The following CFAP92 variants were observed in gnomAD, a reference collection of about 807,000 sequenced individuals.
CFAP92 encodes the protein uncharacterized protein CFAP92.
CFAP92 carries 86 observed loss-of-function variants against 106.3 expected under a neutral mutation model. That is an observed-to-expected ratio of 0.81 (90% CI 0.68 to 0.97). CFAP92 has a LOEUF of 0.97. CFAP92 is among the 50% of genes least tolerant of loss of function. CFAP92 has a pLI of 0.00. For missense variants in CFAP92, 1,204 were observed against 1,283.8 expected, an observed-to-expected ratio of 0.94 and a Z score of 0.95; for synonymous variants, 477 against 506.4, an observed-to-expected ratio of 0.94 and a Z score of 0.78.
At chr3:128,932,614 A>G in intron 12 of CFAP92, 86 bp downstream of exon 12, 1 of 1,317,124 alleles carries the variant, frequency 7.6e-7, no homozygotes, top group Non-Finnish European at 1.0e-6. Flanking sequence ...TGTCCCACTC[A>G]GGAATATGCC....
the CFAP92 span, among the ~76,000 whole-genome samples, chr3:129,013,607 C>G: frequency 0.011 from 1,702 of 152,284 alleles, 30 homozygotes; most frequent in African/African-American, 0.034. Flanking sequence ...TTTCTCTTTC[C>G]CAGTAGTTCC....
At chr3:128,984,446 G>C (rs918461880) in intron 4 of CFAP92, among the ~76,000 whole-genome samples, 2 of 152,176 alleles carry the variant, frequency 1.3e-5, no homozygotes, top group African/African-American at 2.4e-5. Context: ...TTTCTCCCAT[G>C]CTGGAGGCTT....
chr3:128,944,975 G>T, intron 10 of CFAP92, 96 bp downstream of exon 10: 1 of 1,077,428 alleles, frequency 9.3e-7, no homozygotes, highest in East Asian at 2.6e-5. Flanking sequence ...TCACAGACAA[G>T]GATGCTAAAC....
chr3:128,934,473 CCT>C (rs1296763603), intron 11 of CFAP92, among the ~76,000 whole-genome samples: 2 of 152,238 alleles, frequency 1.3e-5, no homozygotes, highest in East Asian at 3.9e-4. Context: ...CCCGCCTTGG[CCT>C]CTCAAAGTGT....
chr3:129,023,598 C>T, the CFAP92 span, among the ~76,000 whole-genome samples: 1 of 152,216 alleles, frequency 6.6e-6, no homozygotes, highest in Non-Finnish European at 1.5e-5. Flanking sequence ...TCCCAAAGTG[C>T]TGGGATTACA....
intron 12 of CFAP92, among the ~76,000 whole-genome samples, chr3:128,924,677 C>A (rs1490245942): frequency 6.6e-6 from 1 of 151,900 alleles, no homozygotes; most frequent in East Asian, 1.9e-4. Flanking sequence ...GAACTCCCAA[C>A]CTCAGGTGAT....
At chr3:129,002,912 G>C (rs1404381604), upstream of CFAP92, among the ~76,000 whole-genome samples, 2 of 152,192 alleles carry the variant, frequency 1.3e-5, no homozygotes, top group Non-Finnish European at 2.9e-5. Context: ...GCGGGAACCA[G>C]ACCCGCTCTG....
chr3:128,992,700 G>A (rs1431717162), intron 2 of CFAP92, among the ~76,000 whole-genome samples: 7 of 152,022 alleles, frequency 4.6e-5, no homozygotes, highest in East Asian at 1.9e-4. Context: ...TCAGACTCCC[G>A]GAAAATGTAT....
upstream of CFAP92, chr3:128,994,250 C>G: frequency 1.6e-6 from 1 of 615,292 alleles, no homozygotes; most frequent in Non-Finnish European, 2.0e-6. Flanking sequence ...GGTTCAGAAA[C>G]CAGCTGCCTT....
the CFAP92 span, among the ~76,000 whole-genome samples, chr3:129,010,397 G>C: frequency 2.0e-5 from 3 of 152,316 alleles, no homozygotes; most frequent in East Asian, 5.8e-4. This position sits in a 1 kb window ranked among gnomAD's most constrained non-coding sequence, Gnocchi z 4.3. Context: ...TGCCCAAAAA[G>C]ACAGAAGAGA....
At chr3:128,977,714 C>T (rs1307576698) in intron 5 of CFAP92, among the ~76,000 whole-genome samples, 1 of 152,106 alleles carries the variant, frequency 6.6e-6, no homozygotes, top group Non-Finnish European at 1.5e-5. Context: ...CAAAAATTAG[C>T]TGGGTGTGGT....
At chr3:128,946,034 A>C in intron 9 of CFAP92, 59 bp from the exon 10 acceptor site, 2 of 1,253,834 alleles carry the variant, frequency 1.6e-6, no homozygotes, top group Non-Finnish European at 2.1e-6. Flanking sequence ...ACTCAGCCCC[A>C]GCATGAGGAG....
At chr3:128,988,312 G>A (rs1222761857) in intron 3 of CFAP92, among the ~76,000 whole-genome samples, 5 of 152,134 alleles carry the variant, frequency 3.3e-5, no homozygotes, top group East Asian at 3.9e-4. Context: ...AGGCCAACGC[G>A]GGAGGATGAC....
At chr3:128,914,447 CGAG>C (rs1246521358) in intron 15 of CFAP92, among the ~76,000 whole-genome samples, 1 of 152,154 alleles carries the variant, frequency 6.6e-6, no homozygotes, top group African/African-American at 2.4e-5. Flanking sequence ...CCTTAGGAGT[CGAG>C]GAGGAGAGGA....
chr3:128,942,458 C>G (rs1939734065), intron 10 of CFAP92, among the ~76,000 whole-genome samples: 1 of 152,172 alleles, frequency 6.6e-6, no homozygotes, highest in South Asian at 2.1e-4. Context: ...TGAACTCAGT[C>G]TCCTGATTCT....
intron 10 of CFAP92, among the ~76,000 whole-genome samples, chr3:128,942,191 T>C (rs1049466379): frequency 6.6e-6 from 1 of 152,188 alleles, no homozygotes; most frequent in Non-Finnish European, 1.5e-5. Flanking sequence ...ACACTCACAG[T>C]TACAGTTGTA....
chr3:128,960,674 C>G (rs1941829606), intron 9 of CFAP92, among the ~76,000 whole-genome samples: 1 of 152,264 alleles, frequency 6.6e-6, no homozygotes, highest in South Asian at 2.1e-4. Flanking sequence ...CGCAGGGACG[C>G]CTGCCTTGGT....
At chr3:128,951,477 T>C (rs1365605310) in intron 9 of CFAP92, among the ~76,000 whole-genome samples, 1 of 152,112 alleles carries the variant, frequency 6.6e-6, no homozygotes, top group Non-Finnish European at 1.5e-5. Context: ...TTCTACTAAG[T>C]ACAGCTTTAA....
At chr3:128,915,968 C>T (rs529722372) in intron 13 of CFAP92, 139 bp downstream of exon 13, 74 of 548,372 alleles carry the variant, frequency 1.3e-4, no homozygotes, top group African/African-American at 1.3e-3. Context: ...CTCTCAACAT[C>T]TGAGCCTTGT....
Sources: allele counts gnomAD v4.1 joint callset (sites outside exome capture counted in the v4.1 genomes callset), GRCh38; gene constraint gnomAD v4.1.1; non-coding constraint Gnocchi (gnomAD v3.1); transcripts MANE v1.5; gene names NCBI Gene and HGNC (gene_info 2026-07-23, HGNC 2026-07-21).